The following NALCN variants were observed in gnomAD, a reference collection of about 807,000 sequenced individuals.
The protein encoded by NALCN is sodium leak channel NALCN.
NALCN carries 111 observed loss-of-function variants against 225.3 expected under a neutral mutation model. The ratio of observed to expected loss-of-function variants is 0.49; its 90% confidence interval spans 0.42 to 0.58. The LOEUF is 0.58. NALCN is among the 20% of genes least tolerant of loss of function. NALCN has a pLI of 0.00. For synonymous variants in NALCN, 764 were observed against 769.0 expected, an observed-to-expected ratio of 0.99 and a Z score of 0.11; for missense variants, 1,378 against 2,202.4, an observed-to-expected ratio of 0.63 and a Z score of 7.49.
intron 7 of NALCN, among the ~76,000 whole-genome samples, chr13:101,307,155 A>T (rs1437396664): frequency 6.6e-6 from 1 of 152,176 alleles, no homozygotes; most frequent in Non-Finnish European, 1.5e-5. Context: ...TTGGGTGCTT[A>T]GCCCCTCTTT....
chr13:101,410,977 G>A (rs887273724), intron 1 of NALCN, among the ~76,000 whole-genome samples: 1 of 152,038 alleles, frequency 6.6e-6, no homozygotes, highest in South Asian at 2.1e-4. Context: ...TCTGATTCCA[G>A]TTCTTCAATC....
chr13:101,087,047 A>G (rs753497758), intron 30 of NALCN, among the ~76,000 whole-genome samples: 24 of 152,186 alleles, frequency 1.6e-4, no homozygotes, highest in Non-Finnish European at 3.4e-4. Context: ...TCATCTGATC[A>G]TTAATATATA....
chr13:101,284,558 A>G (rs1384712312), intron 9 of NALCN, among the ~76,000 whole-genome samples: 1 of 152,220 alleles, frequency 6.6e-6, no homozygotes, highest in Non-Finnish European at 1.5e-5. Context: ...TGCGTGTGGC[A>G]TAGGGAAAGA....
intron 7 of NALCN, among the ~76,000 whole-genome samples, chr13:101,307,925 A>G (rs1320391221): frequency 1.3e-5 from 2 of 152,262 alleles, no homozygotes; most frequent in Non-Finnish European, 2.9e-5. Flanking sequence ...TAGGTAAATC[A>G]GAACAATATA....
At chr13:101,209,970 T>A (rs1037118627) in intron 13 of NALCN, among the ~76,000 whole-genome samples, 1 of 152,180 alleles carries the variant, frequency 6.6e-6, no homozygotes, top group African/African-American at 2.4e-5. Context: ...TGCCTTTTTC[T>A]CCGGAATTCT....
At chr13:101,296,027 A>G (rs2043741339) in intron 7 of NALCN, among the ~76,000 whole-genome samples, 1 of 152,166 alleles carries the variant, frequency 6.6e-6, no homozygotes, top group African/African-American at 2.4e-5. Context: ...CTGGCCCTGC[A>G]CTGCTTCCCT....
At chr13:101,058,567 A>C (rs534843648) in intron 42 of NALCN, 1 of 155,114 alleles carries the variant, frequency 6.4e-6, no homozygotes, top group Non-Finnish European at 1.4e-5. Flanking sequence ...AGAGATGCCA[A>C]GACTTCCCAC....
In NALCN at chr13:101,128,913, C is replaced by T. The variant is rs140494889; in HGVS notation, c.2119-4232G>A. Among the ~76,000 whole-genome samples the T allele has an allele frequency of 1.1e-3, 172 of 152,198 alleles. 1 individual carries two copies. The highest frequency in any genetic ancestry group is 4.0e-3 in the African/African-American group (168 of 41,534). ...AGCACACTCTTGGTACAGTTCAACA[C>T]GTTCTTCTGTCTTCTATTTTCTGAA... On this transcript the variant is annotated intron_variant, in intron 17 of 43. Coordinates refer to ENST00000251127, the MANE Select transcript of NALCN (RefSeq NM_052867.4).
intron 13 of NALCN, among the ~76,000 whole-genome samples, chr13:101,200,646 T>A (rs1039830512): frequency 1.3e-5 from 2 of 152,150 alleles, no homozygotes; most frequent in African/African-American, 4.8e-5. Context: ...ACAGGGCCAC[T>A]GAGGACCCAT....
At chr13:101,208,813 C>T (rs2040417834) in intron 13 of NALCN, among the ~76,000 whole-genome samples, 1 of 152,182 alleles carries the variant, frequency 6.6e-6, no homozygotes, top group Non-Finnish European at 1.5e-5. Context: ...GCTTGCTCCC[C>T]TTTCACCTTC....
chr13:101,203,431 G>T (rs2040202172), intron 13 of NALCN, among the ~76,000 whole-genome samples: 1 of 152,104 alleles, frequency 6.6e-6, no homozygotes, highest in African/African-American at 2.4e-5. Flanking sequence ...TGGCCAGGCT[G>T]GTCTTGAACT....
intron 3 of NALCN, among the ~76,000 whole-genome samples, chr13:101,381,871 T>TATCACTTC (rs1191228914): frequency 1.4e-4 from 22 of 152,014 alleles, no homozygotes; most frequent in African/African-American, 5.3e-4. Context: ...AAAAGAAAAG[T>TATCACTTC]ATCACTTCAT....
intron 3 of NALCN, among the ~76,000 whole-genome samples, chr13:101,388,356 T>A (rs932068859): frequency 2.6e-5 from 4 of 152,186 alleles, no homozygotes; most frequent in Non-Finnish European, 5.9e-5. Flanking sequence ...ATCCAATTAT[T>A]TCTGAATGAA....
chr13:101,249,395 G>C (rs1318542940), intron 11 of NALCN, among the ~76,000 whole-genome samples: 1 of 152,030 alleles, frequency 6.6e-6, no homozygotes, highest in Admixed American at 6.6e-5. Flanking sequence ...TCACAGAAGA[G>C]AAAAAGAGAA....
At chr13:101,238,246 T>A (rs1458431487) in intron 11 of NALCN, among the ~76,000 whole-genome samples, 1 of 151,824 alleles carries the variant, frequency 6.6e-6, no homozygotes, top group Admixed American at 6.6e-5. Context: ...AAGGCTGAAT[T>A]TTTTTGTATG....
intron 6 of NALCN, among the ~76,000 whole-genome samples, chr13:101,374,829 G>A (rs1207214943): frequency 6.6e-6 from 1 of 152,102 alleles, no homozygotes; most frequent in East Asian, 1.9e-4. Flanking sequence ...TTGGGGTGGT[G>A]CAACAGCAAA....
intron 7 of NALCN, among the ~76,000 whole-genome samples, chr13:101,322,698 T>C (rs1391593915): frequency 3.3e-5 from 5 of 152,120 alleles, no homozygotes; most frequent in Admixed American, 3.3e-4. Context: ...TTTAAAAATC[T>C]CTAAGCGTGG....
intron 13 of NALCN, among the ~76,000 whole-genome samples, chr13:101,200,754 G>T (rs1187718442): frequency 1.3e-5 from 2 of 152,070 alleles, no homozygotes; most frequent in East Asian, 3.9e-4. Context: ...ATCTCTAATA[G>T]ACTTCCTTAG....
At chr13:101,255,112 C>G (rs1218018661) in intron 11 of NALCN, among the ~76,000 whole-genome samples, 2 of 151,970 alleles carry the variant, frequency 1.3e-5, no homozygotes, top group Non-Finnish European at 2.9e-5. Context: ...CTGAATTCCA[C>G]CATCCAATCC....
Sources: gnomAD v4.1 joint callset for allele counts (sites outside exome capture counted in the v4.1 genomes callset) on GRCh38, gnomAD v4.1.1 for gene constraint, MANE v1.5 for transcripts, NCBI Gene and HGNC (gene_info 2026-07-23, HGNC 2026-07-21) for gene names.